BMP3: variants seen among roughly 807,000 people sequenced by gnomAD.
BMP3 encodes the protein bone morphogenetic protein 3 (osteogenic).
Under a neutral mutation model 38.1 loss-of-function variants are expected in BMP3, and 23 were observed. That is an observed-to-expected ratio of 0.60 (90% confidence interval 0.43 to 0.86). BMP3 has a LOEUF of 0.86. Among genes scored for constraint, BMP3 ranks in the 40% least tolerant of loss-of-function variants. The pLI, the probability that BMP3 is intolerant of heterozygous loss-of-function variation, is 0.00. For synonymous variants in BMP3, 258 were observed against 225.7 expected (o/e 1.14, Z -1.28); for missense variants, 628 against 579.6 (o/e 1.08, Z -0.86).
chr4:81,046,881 A>T (rs971495438), intron 2 of BMP3, among the ~76,000 whole-genome samples: 1 of 152,202 alleles, frequency 6.6e-6, no homozygotes, highest in Admixed American at 6.5e-5. Flanking sequence ...ATAAAGAAGG[A>T]TATGAGAAAA....
At chr4:81,031,740 T>G in intron 1 of BMP3, 140 bp downstream of exon 1, 2 of 1,065,798 alleles carry the variant, frequency 1.9e-6, no homozygotes, top group Non-Finnish European at 2.6e-6. Context: ...GCCCTCTGGA[T>G]TCCTCCGTCC....
intron 1 of BMP3, among the ~76,000 whole-genome samples, chr4:81,035,776 T>A (rs1398101083): frequency 6.6e-6 from 1 of 152,030 alleles, no homozygotes; most frequent in Non-Finnish European, 1.5e-5. Context: ...GGCCTCATGG[T>A]CAAACTTGGA....
chr4:81,050,115 A>G (rs1478368188), intron 2 of BMP3, among the ~76,000 whole-genome samples: 2 of 152,196 alleles, frequency 1.3e-5, no homozygotes, highest in African/African-American at 2.4e-5. Flanking sequence ...TATCACACCC[A>G]TGTGGGCTGG....
At chr4:81,037,996 G>C (rs1739968139) in intron 1 of BMP3, among the ~76,000 whole-genome samples, 1 of 152,094 alleles carries the variant, frequency 6.6e-6, no homozygotes, top group Admixed American at 6.6e-5. Flanking sequence ...ACAAGATTCT[G>C]ATCCATATTT....
In BMP3 at chr4:81,031,302, G is replaced by A. The variant is rs368705872; in HGVS notation, c.18G>A (p.Arg6=). The A allele has an allele frequency of 1.1e-4, 169 of 1,607,604 alleles. 1 individual carries two copies. The Middle Eastern group carries it at 1.2e-3, about 11-fold the overall frequency. The change falls in exon 1 of 3, where the codon AGG becomes AGA. Residue 6 remains arginine (R), a synonymous_variant. Transcript: ENST00000282701. The stretch of plus-strand genomic sequence containing the variant: ...ACCTAGCCATGGCTGGGGCGAGCAG[G>A]CTGCTCTTTCTGTGGCTGGGCTGCT... MAGAS[R]LLFLWLGCFC...
At chr4:81,049,313 A>G (rs762514611) in intron 2 of BMP3, among the ~76,000 whole-genome samples, 2 of 152,180 alleles carry the variant, frequency 1.3e-5, no homozygotes, top group Non-Finnish European at 2.9e-5. Context: ...CCCTTTTCAA[A>G]CATCACAAAG....
chr4:81,048,768 C>T (rs1371123339), intron 2 of BMP3, among the ~76,000 whole-genome samples: 2 of 152,168 alleles, frequency 1.3e-5, no homozygotes, highest in Non-Finnish European at 2.9e-5. Context: ...AATGTACACG[C>T]TTGGTCATAG....
chr4:81,040,775 G>A (rs1419222022), intron 1 of BMP3, among the ~76,000 whole-genome samples: 2 of 152,150 alleles, frequency 1.3e-5, no homozygotes, highest in Non-Finnish European at 2.9e-5. Context: ...TAGATGATCA[G>A]TGTAGCATAC....
At chr4:81,041,344 C>T (rs1389663663) in intron 1 of BMP3, among the ~76,000 whole-genome samples, 1 of 152,106 alleles carries the variant, frequency 6.6e-6, no homozygotes, top group Non-Finnish European at 1.5e-5. Context: ...TTAACTTACA[C>T]AAAAATAAAG....
At position 81,043,106 on chromosome 4, in the gene BMP3, A is replaced by G. The variant is rs1031778560; in HGVS notation, c.317-2632A>G. Among the ~76,000 whole-genome samples the G allele has an allele frequency of 5.9e-5, 9 of 152,360 alleles. No homozygotes were observed. In the East Asian group the frequency reaches 1.7e-3, roughly 29 times the overall value. ...TTTAAGTTTCCACATCTTTATAAAA[A>G]TGTTTTGTTTTTACTGAAACATGTT... On this transcript the variant is annotated intron_variant, in intron 1 of 2. Transcript: ENST00000282701.
chr4:81,031,147 C>G lies in BMP3; in HGVS notation c.-138C>G. Reference sequence around the variant, plus strand: ...GGGGCTGGCCGCTATCTCGCTGCACCCGGCCGCGTCCCGGGCTCCGTGCGC... The same window carrying G: ...GGGGCTGGCCGCTATCTCGCTGCACGCGGCCGCGTCCCGGGCTCCGTGCGC... On this transcript the variant is annotated 5_prime_UTR_variant, in exon 1 of 3. Coordinates refer to ENST00000282701, the MANE Select transcript of BMP3 (RefSeq NM_001201.5). The G allele has an allele frequency of 3.2e-6, 3 of 935,596 alleles. No homozygotes were observed. Among genetic ancestry groups the G allele is most frequent in the Non-Finnish European group, 4.6e-6 (3 of 646,396 alleles). The allele number at this position is 935,596 out of a possible 1,614,324, so 58.0% of individuals were successfully genotyped here.
chr4:81,033,449 A>G (rs1739831383), intron 1 of BMP3, among the ~76,000 whole-genome samples: 2 of 152,214 alleles, frequency 1.3e-5, no homozygotes, highest in Non-Finnish European at 2.9e-5. Context: ...TATGGAGGCC[A>G]GACATTCCCT....
rs1212530430 is a variant in BMP3 at position 81,055,909 on chromosome 4, C to A, written c.*2373C>A. The A allele has an allele frequency of 6.6e-6, 1 of 152,050 alleles. No homozygotes were observed. Among genetic ancestry groups the A allele is most frequent in the Non-Finnish European group, 1.5e-5 (1 of 67,996 alleles). The allele number at this position is 152,050 out of a possible 1,614,324, so 9.4% of individuals were successfully genotyped here. On this transcript the variant is annotated 3_prime_UTR_variant, in exon 3 of 3. Transcript: ENST00000282701. ...CTTAGCAATGGAAATAGGTTTTAACCAGCAGTTTTTCTGGGTGCTTTGTAA... is the reference window on the plus strand; with the variant it reads ...CTTAGCAATGGAAATAGGTTTTAACAAGCAGTTTTTCTGGGTGCTTTGTAA...
At chr4:81,040,341 T>A (rs1459420748) in intron 1 of BMP3, among the ~76,000 whole-genome samples, 1 of 152,184 alleles carries the variant, frequency 6.6e-6, no homozygotes, top group Non-Finnish European at 1.5e-5. Flanking sequence ...CGTTCTCTCG[T>A]TCACTTTCAC....
chr4:81,040,289 C>A (rs755940882), intron 1 of BMP3, among the ~76,000 whole-genome samples: 4 of 152,108 alleles, frequency 2.6e-5, no homozygotes, highest in Non-Finnish European at 4.4e-5. Flanking sequence ...TTGGGGAAAG[C>A]TAGAAAACAA....
chr4:81,036,755 A>G (rs1211797087), intron 1 of BMP3, among the ~76,000 whole-genome samples: 1 of 152,040 alleles, frequency 6.6e-6, no homozygotes, highest in African/African-American at 2.4e-5. Context: ...GTAACCCAAA[A>G]AGCTTTCATA....
In BMP3 at chr4:81,031,525, G is replaced by C. The variant is rs1364716410; in HGVS notation, c.241G>C (p.Gly81Arg). The change falls in exon 1 of 3, where the codon GGA becomes CGA. Residue 81 changes from glycine (G) to arginine (R), a missense_variant. By Grantham distance (125) the Gly-to-Arg change is moderately radical. Transcript: ENST00000282701. ...GGCCCGGACACCGGGCTCCCTGGAG[G>C]GAGGCTCGCAGCCCTGGCGCCCTCG... ...QAARTPGSLEGGSQPWRPRLL... is the reference protein window; with the variant it reads ...QAARTPGSLERGSQPWRPRLL... 1 of 1,612,156 alleles carries C rather than the reference G, an allele frequency of 6.2e-7. No individual in the cohort carries two copies. Among genetic ancestry groups the C allele is most frequent in the South Asian group, 1.1e-5 (1 of 90,674 alleles).
At chr4:81,050,349 G>A (rs1740372440) in intron 2 of BMP3, among the ~76,000 whole-genome samples, 1 of 152,172 alleles carries the variant, frequency 6.6e-6, no homozygotes, top group Admixed American at 6.6e-5. Context: ...TTCTCCCAGA[G>A]AGAGATTCTT....
At position 81,055,914 on chromosome 4, in the gene BMP3, GT is replaced by G. The variant is rs1740543960; in HGVS notation, c.*2383del. 6.6e-6 allele frequency: 1 copy of G among 152,146 alleles called. No individual in the cohort carries two copies. The highest frequency in any genetic ancestry group is 2.4e-5 in the African/African-American group (1 of 41,424). 9.4% of individuals were successfully genotyped at this position (152,146 alleles called of 1,614,324 possible). ...CAATGGAAATAGGTTTTAACCAGCA[GT>G]TTTTCTGGGTGCTTTGTAACTATCA... is the stretch of plus-strand genomic sequence containing the variant. On this transcript the variant is annotated 3_prime_UTR_variant, in exon 3 of 3. Coordinates refer to ENST00000282701, the MANE Select transcript of BMP3 (RefSeq NM_001201.5).
Sources: allele counts gnomAD v4.1 joint callset (sites outside exome capture counted in the v4.1 genomes callset), GRCh38; gene constraint gnomAD v4.1.1; transcripts MANE v1.5; gene names NCBI Gene and HGNC (gene_info 2026-07-23, HGNC 2026-07-21).